NT5C2: variants seen among roughly 807,000 people sequenced by gnomAD.
NT5C2 encodes 5'-nucleotidase, cytosolic II, also known as cytosolic purine 5'-nucleotidase.
A neutral mutation model predicts 76.1 loss-of-function variants in NT5C2; 58 were observed. The observed-to-expected ratio is 0.76, with a 90% CI of 0.62 to 0.95. NT5C2 has a LOEUF of 0.95. NT5C2 is among the 40% of genes least tolerant of loss of function. The pLI is 0.00. For synonymous variants in NT5C2, 229 were observed against 237.4 expected, an observed-to-expected ratio of 0.96 and a Z score of 0.32; for missense variants, 478 against 690.3, an observed-to-expected ratio of 0.69 and a Z score of 3.45.
intron 4 of NT5C2, among the ~76,000 whole-genome samples, chr10:103,134,712 C>G (rs949441148): frequency 6.6e-6 from 1 of 152,210 alleles, no homozygotes; most frequent in East Asian, 1.9e-4. Flanking sequence ...GATCCACTGA[C>G]AGCTTGCACC....
intron 9 of NT5C2, among the ~76,000 whole-genome samples, chr10:103,099,326 T>G (rs1029356882): frequency 3.3e-5 from 5 of 152,150 alleles, no homozygotes; most frequent in African/African-American, 1.2e-4. Context: ...CCACCTGCCT[T>G]GGCATCACAA....
chr10:103,089,789 C>T lies in NT5C2; in HGVS notation c.1569G>A (p.Gln523=), dbSNP rs779906226. The T allele has an allele frequency of 5.0e-6, 8 of 1,614,098 alleles. No homozygotes were observed. In the Admixed American group the frequency reaches 1.2e-4, roughly 24 times the overall value. The change falls in exon 19 of 19, where the codon CAG becomes CAA. Residue 523 remains glutamine (Q), a synonymous_variant. Transcript: ENST00000404739. The stretch of plus-strand genomic sequence containing the variant: ...TAATCTCACTAATTGACCGTGTCAG[C>T]TGGTGCCGCTTGTAGTCAGTGTCTT... ...DFKDTDYKRH[Q]LTRSISEIKP... is the part of the protein sequence containing the mutation.
chr10:103,186,094 A>G (rs1591907191), intron 1 of NT5C2, among the ~76,000 whole-genome samples: 1 of 152,360 alleles, frequency 6.6e-6, no homozygotes, highest in Non-Finnish European at 1.5e-5. Flanking sequence ...GAGAAGTTAG[A>G]TAATTTGAAG....
chr10:103,190,912 G>A (rs1203033529), intron 1 of NT5C2, among the ~76,000 whole-genome samples: 1 of 152,118 alleles, frequency 6.6e-6, no homozygotes, highest in Non-Finnish European at 1.5e-5. Context: ...TAAATACATG[G>A]ACATCCCAGA....
At chr10:103,101,853 G>C (rs2069784593) in intron 6 of NT5C2, among the ~76,000 whole-genome samples, 1 of 152,256 alleles carries the variant, frequency 6.6e-6, no homozygotes, top group South Asian at 2.1e-4. Context: ...ATTCATGCAC[G>C]TGCTGGTATA....
intron 3 of NT5C2, 72 bp downstream of exon 3, chr10:103,174,786 A>T: frequency 2.1e-6 from 2 of 968,562 alleles, no homozygotes; most frequent in Non-Finnish European, 3.3e-6. Flanking sequence ...TCTGTACATT[A>T]ATTTCATCAT....
intron 3 of NT5C2, among the ~76,000 whole-genome samples, chr10:103,172,994 C>T (rs949508995): frequency 1.3e-5 from 2 of 152,050 alleles, no homozygotes; most frequent in East Asian, 1.9e-4. Flanking sequence ...GGCAACAGAA[C>T]GAGACTCTGT....
intron 3 of NT5C2, among the ~76,000 whole-genome samples, chr10:103,170,825 C>G (rs2087775891): frequency 6.6e-6 from 1 of 151,944 alleles, no homozygotes; most frequent in African/African-American, 2.4e-5. Flanking sequence ...CCATGCCCAG[C>G]CTATGATATA....
At chr10:103,145,618 G>C (rs370130226) in intron 3 of NT5C2, among the ~76,000 whole-genome samples, 1 of 152,080 alleles carries the variant, frequency 6.6e-6, no homozygotes, top group South Asian at 2.1e-4. Flanking sequence ...TTTTAAAAAA[G>C]CACAAACTTG....
intron 3 of NT5C2, among the ~76,000 whole-genome samples, chr10:103,144,309 G>A (rs2081107679): frequency 1.3e-5 from 2 of 152,176 alleles, no homozygotes; most frequent in Non-Finnish European, 2.9e-5. Flanking sequence ...TACAATCCAG[G>A]AGAGAAGTAT....
intron 4 of NT5C2, among the ~76,000 whole-genome samples, chr10:103,126,983 A>C (rs1180164843): frequency 1.3e-5 from 2 of 152,010 alleles, no homozygotes; most frequent in African/African-American, 4.8e-5. Context: ...AATTTCTGAG[A>C]AGTTTTTATA....
intron 3 of NT5C2, among the ~76,000 whole-genome samples, chr10:103,158,972 T>C (rs1312092751): frequency 6.6e-6 from 1 of 152,118 alleles, no homozygotes; most frequent in East Asian, 1.9e-4. Flanking sequence ...CACTAAAGAC[T>C]ACAATACCTG....
At chr10:103,151,133 T>C (rs1435027854) in intron 3 of NT5C2, among the ~76,000 whole-genome samples, 1 of 152,094 alleles carries the variant, frequency 6.6e-6, no homozygotes, top group Non-Finnish European at 1.5e-5. Context: ...TTTTCCTATA[T>C]GAATATTCAG....
At position 103,179,879 on chromosome 10, in the gene NT5C2, C is replaced by T. The variant is rs141106596; in HGVS notation, c.-25+1306G>A. ...TTGTTTGTATACTTAATTTAAGTCC[C>T]TCTTCATGGCTAACAGAGGACTTAA... On this transcript the variant is annotated intron_variant, in intron 2 of 18. Coordinates refer to ENST00000404739, the MANE Select transcript of NT5C2 (RefSeq NM_001351169.2). Among the ~76,000 whole-genome samples the T allele has an allele frequency of 1.1e-4, 16 of 152,262 alleles. 1 individual carries two copies. The East Asian group carries it at 3.1e-3, about 29-fold the overall frequency.
intron 3 of NT5C2, among the ~76,000 whole-genome samples, chr10:103,144,530 T>G (rs2081152495): frequency 6.6e-6 from 1 of 152,196 alleles, no homozygotes; most frequent in Non-Finnish European, 1.5e-5. Flanking sequence ...ATATATCAAA[T>G]CATTTATGTA....
chr10:103,109,305 T>A (rs1225127696), intron 4 of NT5C2, among the ~76,000 whole-genome samples: 1 of 152,188 alleles, frequency 6.6e-6, no homozygotes, highest in Non-Finnish European at 1.5e-5. Context: ...AAGTGCTATA[T>A]ACACTAATAG....
At chr10:103,101,457 G>A in intron 6 of NT5C2, 131 bp from the exon 7 acceptor site, 1 of 543,656 alleles carries the variant, frequency 1.8e-6, no homozygotes, top group South Asian at 3.0e-5. Context: ...TATTACGCAT[G>A]GATAGCTATG....
At chr10:103,122,265 A>G (rs780163728) in intron 4 of NT5C2, among the ~76,000 whole-genome samples, 2 of 152,242 alleles carry the variant, frequency 1.3e-5, no homozygotes, top group Non-Finnish European at 1.5e-5. Context: ...TCTAAAAATT[A>G]AGCAAAAGAA....
intron 4 of NT5C2, among the ~76,000 whole-genome samples, chr10:103,130,838 G>GA (rs2078033479): frequency 6.6e-6 from 1 of 151,928 alleles, no homozygotes; most frequent in Admixed American, 6.6e-5. Context: ...TTAAAAAGCT[G>GA]AAAAATCAAA....
Sources: allele counts gnomAD v4.1 joint callset (sites outside exome capture counted in the v4.1 genomes callset), GRCh38; gene constraint gnomAD v4.1.1; transcripts MANE v1.5; gene names NCBI Gene and HGNC (gene_info 2026-07-23, HGNC 2026-07-21).